CDH4: variants seen among roughly 807,000 people sequenced by gnomAD.
The protein encoded by CDH4 is cadherin-4.
Under a neutral mutation model 86.0 loss-of-function variants are expected in CDH4, and 33 were observed. The ratio of observed to expected loss-of-function variants is 0.38; its 90% CI spans 0.29 to 0.51. The LOEUF is 0.51. Among genes scored for constraint, CDH4 ranks in the 20% least tolerant of loss-of-function variants. CDH4 has a pLI of 0.86. For synonymous variants in CDH4, 555 were observed against 549.4 expected (o/e 1.01, Z -0.14); for missense variants, 1,114 against 1,307.4 (o/e 0.85, Z 2.28).
rs558338709 is a variant in CDH4, at chr20:61,392,031, T to A, written c.169+137094T>A. On this transcript the variant is annotated intron_variant, in intron 2 of 15. Transcript: ENST00000614565. The surrounding 1 kb of genome is among the most constrained non-coding windows in gnomAD (Gnocchi z 5.7). The stretch of plus-strand genomic sequence containing the variant: ...TATGGGATAGGGGAGAGCTGGCTAC[T>A]TCTCAACCCTTCCCCCGCCTCGCTT... Among the ~76,000 whole-genome samples the A allele has an allele frequency of 6.5e-4, 99 of 152,228 alleles. No individual in the cohort carries two copies. Among genetic ancestry groups the A allele is most frequent in the Non-Finnish European group, 1.1e-3 (77 of 68,016 alleles).
chr20:61,339,510 A>G (rs772452015), intron 2 of CDH4, among the ~76,000 whole-genome samples: 10 of 152,206 alleles, frequency 6.6e-5, no homozygotes, highest in Non-Finnish European at 1.3e-4. Context: ...GAAATATTTC[A>G]TAGTTAAATA....
intron 2 of CDH4, among the ~76,000 whole-genome samples, chr20:61,526,170 C>G (rs546930508): frequency 2.7e-4 from 41 of 151,632 alleles, no homozygotes; most frequent in African/African-American, 9.0e-4. Context: ...GCTGGTGCCC[C>G]TCCCCCTCCC....
chr20:61,490,192 AG>A (rs2085618284), intron 2 of CDH4, among the ~76,000 whole-genome samples: 1 of 152,236 alleles, frequency 6.6e-6, no homozygotes, highest in Non-Finnish European at 1.5e-5. Context: ...TATTCACAAT[AG>A]GTCAAAAACT....
chr20:61,614,111 G>A (rs1341133669), intron 2 of CDH4, among the ~76,000 whole-genome samples: 1 of 152,070 alleles, frequency 6.6e-6, no homozygotes, highest in Non-Finnish European at 1.5e-5. Context: ...CAGAGCCTGG[G>A]ATTTAGCAAG....
chr20:61,756,372 AC>A (rs1469847175), intron 3 of CDH4, among the ~76,000 whole-genome samples: 1 of 152,116 alleles, frequency 6.6e-6, no homozygotes, highest in Non-Finnish European at 1.5e-5. Flanking sequence ...CTGTTAGCAA[AC>A]GTCAGGTGTG....
At chr20:61,555,011 C>T (rs1600754336) in intron 2 of CDH4, among the ~76,000 whole-genome samples, 1 of 152,322 alleles carries the variant, frequency 6.6e-6, no homozygotes, top group African/African-American at 2.4e-5. Flanking sequence ...CCCAGTATTG[C>T]CCATGTGTGT....
chr20:61,603,482 G>T (rs563483532), intron 2 of CDH4, among the ~76,000 whole-genome samples: 1 of 152,188 alleles, frequency 6.6e-6, no homozygotes, highest in Non-Finnish European at 1.5e-5. Flanking sequence ...CCAGGAGAGG[G>T]TTCCTGCTGG....
intron 4 of CDH4, among the ~76,000 whole-genome samples, chr20:61,841,429 G>A (rs1178857922): frequency 4.6e-5 from 7 of 152,136 alleles, no homozygotes; most frequent in South Asian, 2.1e-4. Context: ...ATACCCCCTC[G>A]TGACCAAACT....
chr20:61,937,294 T>G lies in CDH4; in HGVS notation c.*351T>G. 1.9e-5 allele frequency: 3 copies of G among 161,810 alleles called. No homozygotes were observed. The highest frequency in any genetic ancestry group is 2.1e-4 in the South Asian group (1 of 4,652). 10.0% of individuals were successfully genotyped at this position (161,810 alleles called of 1,614,324 possible). On this transcript the variant is annotated 3_prime_UTR_variant, in exon 16 of 16. Transcript: ENST00000614565. ...AGTGCCTTTTGGTACATGTATCAGA[T>G]TCCCTCAAACTCAGGAGTGTCTAAA...
chr20:61,292,984 C>T (rs2427036), intron 2 of CDH4, among the ~76,000 whole-genome samples: 17,319 of 152,092 alleles, frequency 0.11, 1,219 homozygotes, highest in Middle Eastern at 0.21. Context: ...TGTGTGCTGC[C>T]GGGGTCTGCG....
At chr20:61,613,378 A>G (rs541225011) in intron 2 of CDH4, among the ~76,000 whole-genome samples, 2 of 152,194 alleles carry the variant, frequency 1.3e-5, no homozygotes, top group East Asian at 3.9e-4. Flanking sequence ...GATCTGGCCC[A>G]GGGCCGTGTG....
intron 4 of CDH4, among the ~76,000 whole-genome samples, chr20:61,802,184 C>T (rs1408191136): frequency 1.3e-5 from 2 of 152,242 alleles, no homozygotes; most frequent in Non-Finnish European, 2.9e-5. Context: ...GACCCCTCCT[C>T]GGCTTCATTC....
In CDH4 at chr20:61,566,814, G is replaced by A. The variant is rs535347022; in HGVS notation, c.170-176749G>A. Among the ~76,000 whole-genome samples, 87 of 152,190 alleles carry A rather than the reference G, an allele frequency of 5.7e-4. 1 individual carries two copies. Among genetic ancestry groups the A allele is most frequent in the Admixed American group, 2.4e-3 (36 of 15,282 alleles). On this transcript the variant is annotated intron_variant, in intron 2 of 15. Coordinates refer to ENST00000614565, the MANE Select transcript of CDH4 (RefSeq NM_001794.5). ...CGAGACACTCAACAGCTCGCTTATC[G>A]GTCACTCTCCGGGCTGCGCCTCCTC...
intron 4 of CDH4, among the ~76,000 whole-genome samples, chr20:61,774,424 G>A (rs940969559): frequency 1.3e-5 from 2 of 152,184 alleles, no homozygotes; most frequent in Non-Finnish European, 2.9e-5. Context: ...CCCATGCTGC[G>A]CCCACCTCAC....
intron 3 of CDH4, among the ~76,000 whole-genome samples, chr20:61,755,848 A>G (rs540713308): frequency 3.3e-5 from 5 of 152,326 alleles, no homozygotes; most frequent in African/African-American, 1.2e-4. Context: ...GGCTACATGA[A>G]ACACATGCGC....
At chr20:61,475,789 A>C (rs2085532616) in intron 2 of CDH4, among the ~76,000 whole-genome samples, 1 of 149,598 alleles carries the variant, frequency 6.7e-6, no homozygotes, top group Non-Finnish European at 1.5e-5. Flanking sequence ...AAAAATATTC[A>C]TGTAATTGCT....
chr20:61,307,853 G>A (rs995832943), intron 2 of CDH4, among the ~76,000 whole-genome samples: 2 of 152,218 alleles, frequency 1.3e-5, no homozygotes, highest in African/African-American at 2.4e-5. Flanking sequence ...CACCCACGGG[G>A]ACAAGTCAGT....
chr20:61,473,873 TG>T (rs1319326190), intron 2 of CDH4, among the ~76,000 whole-genome samples: 2 of 152,062 alleles, frequency 1.3e-5, no homozygotes. Flanking sequence ...TTTACAGCCA[TG>T]TCAAGATAGA....
intron 6 of CDH4, among the ~76,000 whole-genome samples, chr20:61,872,058 C>T (rs1983828535): frequency 6.6e-6 from 1 of 152,134 alleles, no homozygotes; most frequent in South Asian, 2.1e-4. Context: ...GGGAAGGCTC[C>T]CTGCCTGCTC....
Sources: gnomAD v4.1 joint callset for allele counts (sites outside exome capture counted in the v4.1 genomes callset) on GRCh38, gnomAD v4.1.1 for gene constraint, Gnocchi (gnomAD v3.1) non-coding constraint, MANE v1.5 for transcripts, NCBI Gene and HGNC (gene_info 2026-07-23, HGNC 2026-07-21) for gene names.